The following SLC25A19 variants were observed in gnomAD, a reference collection of about 807,000 sequenced individuals.
SLC25A19 encodes the protein solute carrier family 25 member 19.
A neutral mutation model predicts 27.9 loss-of-function variants in SLC25A19; 18 were observed. The ratio of observed to expected loss-of-function variants is 0.64; its 90% CI spans 0.45 to 0.96. The LOEUF (loss-of-function observed/expected upper bound fraction) is 0.96, where lower values mean the gene tolerates loss of function less well. Ranked by LOEUF, SLC25A19 falls within the 40% of genes least tolerant of loss-of-function variation. The probability of loss-of-function intolerance (pLI) is 0.00; values close to 1 mark genes in which losing one functional copy is unlikely to be tolerated. For synonymous variants in SLC25A19, 169 were observed against 167.1 expected, an observed-to-expected ratio of 1.01 and a Z score of -0.09; for missense variants, 371 against 418.3, an observed-to-expected ratio of 0.89 and a Z score of 0.99.
At position 75,284,942 on chromosome 17, in the gene SLC25A19, C is replaced by T. The variant is rs576748358; in HGVS notation, c.289-1349G>A. On this transcript the variant is annotated intron_variant, in intron 4 of 7. Transcript: ENST00000416858. ...ACACACATGAGCCACCGAGCTTGGC[C>T]CTGTTTTGCTTTTTGAGGCAAGGTC... Among the ~76,000 whole-genome samples, 10 of 151,296 alleles carry T rather than the reference C, an allele frequency of 6.6e-5. No homozygotes were observed. In the East Asian group the frequency reaches 1.6e-3, roughly 24 times the overall value.
intron 7 of SLC25A19, among the ~76,000 whole-genome samples, chr17:75,274,166 C>T (rs1041266383): frequency 2.0e-5 from 3 of 152,214 alleles, no homozygotes; most frequent in African/African-American, 4.8e-5. Flanking sequence ...CCTTCCTGCC[C>T]AGGAAGAACG....
Position 75,286,672 on chromosome 17 carries a change from C to T in SLC25A19, c.93G>A (p.Ala31=), listed in dbSNP as rs143765189. The T allele has an allele frequency of 1.8e-4, 289 of 1,614,128 alleles. No individual in the cohort carries two copies. Among genetic ancestry groups the T allele is most frequent in the Non-Finnish European group, 2.4e-4 (281 of 1,180,038 alleles). The change falls in exon 3 of 8, where the codon GCG becomes GCA. Residue 31 remains alanine (A), a synonymous_variant. Coordinates refer to ENST00000416858, the MANE Select transcript of SLC25A19 (RefSeq NM_001126121.2). ...AGSVSGLVTR[A]LISPFDVIKI... is the part of the protein sequence containing the mutation. ...TGATGACGTCGAAGGGACTGATCAG[C>T]GCCCGAGTAACAAGTCCAGACACAG...
intron 6 of SLC25A19, 34 bp from the exon 7 acceptor site, chr17:75,277,517 G>A (rs1335456448): frequency 6.2e-7 from 1 of 1,612,774 alleles, no homozygotes. Context: ...GAGAATGGAT[G>A]AGAGAAATGC....
At chr17:75,274,974 T>TTTA (rs2145730212) in intron 7 of SLC25A19, among the ~76,000 whole-genome samples, 1 of 33,014 alleles carries the variant, frequency 3.0e-5, no homozygotes, top group East Asian at 4.4e-4. Flanking sequence ...GATTTTGGTC[T>TTTA]TTTTTTTTTT....
In SLC25A19 at chr17:75,274,350, C is replaced by T. The variant is rs7211476; in HGVS notation, c.775-711G>A. ...CAGCCTCACCCTCTCCAGCTGACCT[C>T]ACACACTGCTGCCAGACATTCATCC... On this transcript the variant is annotated intron_variant, in intron 7 of 7. Transcript: ENST00000416858. 4.2e-3 allele frequency among the ~76,000 whole-genome samples: 634 copies of T among 152,268 alleles called. 7 individuals carry two copies. Among genetic ancestry groups the T allele is most frequent in the African/African-American group, 0.014 (600 of 41,548 alleles).
At chr17:75,277,261 G>A in intron 7 of SLC25A19, 92 bp downstream of exon 7, 2 of 1,543,278 alleles carry the variant, frequency 1.3e-6, no homozygotes, top group Non-Finnish European at 1.8e-6. Context: ...CAGGGGTGAT[G>A]TTGCCCAATG....
At chr17:75,284,045 C>A in intron 4 of SLC25A19, among the ~76,000 whole-genome samples, 1 of 151,636 alleles carries the variant, frequency 6.6e-6, no homozygotes, top group East Asian at 1.9e-4. Flanking sequence ...ACCCGGGAGG[C>A]AGAGCTGCAC....
intron 5 of SLC25A19, among the ~76,000 whole-genome samples, chr17:75,281,453 T>G (rs1396306183): frequency 6.6e-6 from 1 of 152,110 alleles, no homozygotes; most frequent in Non-Finnish European, 1.5e-5. Context: ...TCCCAGCACT[T>G]TGGGAGACAG....
chr17:75,285,021 C>T (rs1364722418), intron 4 of SLC25A19, among the ~76,000 whole-genome samples: 2 of 152,118 alleles, frequency 1.3e-5, no homozygotes, highest in African/African-American at 4.8e-5. Flanking sequence ...TCACAGCAGC[C>T]TTGACTTCTC....
In SLC25A19 at chr17:75,283,493, C is replaced by G. The variant is rs757883741; in HGVS notation, c.389G>C (p.Cys130Ser). 6.2e-7 allele frequency: 1 copy of G among 1,613,416 alleles called. No individual in the cohort carries two copies. Among genetic ancestry groups the G allele is most frequent in the Non-Finnish European group, 8.5e-7 (1 of 1,179,866 alleles). Residue 130 changes from cysteine (C) to serine (S), a missense_variant, in exon 5 of 8, where the codon TGT becomes TCT. By Grantham distance (112) the Cys-to-Ser change is moderately radical. Transcript: ENST00000416858. ...VHFVCGGLAA[C>S]MATLTVHPVD... The stretch of plus-strand genomic sequence containing the variant: ...GGGGTGCACAGTGAGGGTGGCCATA[C>G]AGGCAGCCAGGCCACCACATACAAA...
chr17:75,273,735 C>T (rs1481497159), intron 7 of SLC25A19, 96 bp from the exon 8 acceptor site: 1 of 1,216,604 alleles, frequency 8.2e-7, no homozygotes, highest in East Asian at 2.3e-5. Context: ...ACTTGCTGGA[C>T]AAAGAAATGA....
intron 2 of SLC25A19, 94 bp from the exon 3 acceptor site, chr17:75,286,896 T>C (rs1405180686): frequency 5.7e-6 from 7 of 1,232,634 alleles, no homozygotes; most frequent in Non-Finnish European, 8.1e-6. Context: ...CTGACTAGAC[T>C]GTCTAAAATA....
rs1403121592 is a variant in SLC25A19, at chr17:75,273,153, G to A, written c.*298C>T. 1 of 439,744 alleles carries A rather than the reference G, an allele frequency of 2.3e-6. No homozygotes were observed. The highest frequency in any genetic ancestry group is 4.2e-6 in the Non-Finnish European group (1 of 236,002). 27.2% of individuals were successfully genotyped at this position (439,744 alleles called of 1,614,324 possible). ...CTCCTGGCAGGCAGGGCTGATAGGTGTAGGATGGCGTCTGTTTCCTTTGGA... is the reference window on the plus strand; with the variant it reads ...CTCCTGGCAGGCAGGGCTGATAGGTATAGGATGGCGTCTGTTTCCTTTGGA... On this transcript the variant is annotated 3_prime_UTR_variant, in exon 8 of 8. Coordinates refer to ENST00000416858, the MANE Select transcript of SLC25A19 (RefSeq NM_001126121.2).
intron 4 of SLC25A19, among the ~76,000 whole-genome samples, chr17:75,283,941 C>G (rs1456511313): frequency 6.6e-6 from 1 of 152,082 alleles, no homozygotes; most frequent in Non-Finnish European, 1.5e-5. Context: ...TAGTGAAACC[C>G]TGTCTTTACT....
intron 7 of SLC25A19, among the ~76,000 whole-genome samples, chr17:75,275,428 C>T (rs1280783340): frequency 6.6e-6 from 1 of 152,126 alleles, no homozygotes; most frequent in Non-Finnish European, 1.5e-5. Flanking sequence ...TCCATGCCAT[C>T]CCTCTCCTCT....
chr17:75,273,463 G>A lies in SLC25A19; in HGVS notation c.951C>T (p.Ala317=). 1 of 1,614,022 alleles carries A rather than the reference G, an allele frequency of 6.2e-7. No homozygotes were observed. Among genetic ancestry groups the A allele is most frequent in the Non-Finnish European group, 8.5e-7 (1 of 1,180,020 alleles). ...CNVFHCMNRT[A]SQR Reference sequence around the variant, plus strand: ...GTCCTTCCTGCACTCAGCGCTGGCTGGCTGTCCTGTTCATGCAGTGGAAGA... The same window carrying A: ...GTCCTTCCTGCACTCAGCGCTGGCTAGCTGTCCTGTTCATGCAGTGGAAGA... Residue 317 remains alanine, a synonymous_variant, in exon 8 of 8, where the codon GCC becomes GCT. Coordinates refer to ENST00000416858, the MANE Select transcript of SLC25A19 (RefSeq NM_001126121.2).
chr17:75,277,208 C>A, intron 7 of SLC25A19, 145 bp downstream of exon 7: 12 of 1,057,620 alleles, frequency 1.1e-5, no homozygotes, highest in Non-Finnish European at 1.6e-5. Flanking sequence ...TTCCCACATG[C>A]TTAGGGATCT....
At chr17:75,276,920 T>G (rs977029223) in intron 7 of SLC25A19, among the ~76,000 whole-genome samples, 32 of 149,838 alleles carry the variant, frequency 2.1e-4, no homozygotes, top group Admixed American at 1.7e-3. Flanking sequence ...CCTGACCTCG[T>G]GATCCACCCA....
chr17:75,274,934 G>A (rs185482619), intron 7 of SLC25A19, among the ~76,000 whole-genome samples: 1 of 139,254 alleles, frequency 7.2e-6, no homozygotes, highest in East Asian at 2.2e-4. Flanking sequence ...AAGGTTCCAT[G>A]TGGTTATCTG....
Sources: gnomAD v4.1 joint callset for allele counts (sites outside exome capture counted in the v4.1 genomes callset) on GRCh38, gnomAD v4.1.1 for gene constraint, MANE v1.5 for transcripts, NCBI Gene and HGNC (gene_info 2026-07-23, HGNC 2026-07-21) for gene names.